Variants in CIITA observed in about 807,000 individuals in gnomAD.
CIITA encodes the protein class II major histocompatibility complex transactivator.
CIITA carries 72 observed loss-of-function variants against 115.1 expected under a neutral mutation model. The observed-to-expected ratio is 0.63, with a 90% CI of 0.52 to 0.76. The LOEUF (loss-of-function observed/expected upper bound fraction) is 0.76. CIITA is among the 30% of genes least tolerant of loss of function. The probability of loss-of-function intolerance (pLI) is 0.00; values close to 1 mark genes in which losing one functional copy is unlikely to be tolerated. For synonymous variants in CIITA, 763 were observed against 635.6 expected (o/e 1.20, Z -3.02); for missense variants, 1,617 against 1,463.8 (o/e 1.10, Z -1.71).
chr16:10,910,304 C>T (rs1280299149), intron 13 of CIITA, 45 bp downstream of exon 13: 2 of 1,530,808 alleles, frequency 1.3e-6, no homozygotes, highest in African/African-American at 2.7e-5. Context: ...GCAAGGTTTC[C>T]CCTGCAGCAT....
At chr16:10,921,831 C>A (rs1485697509) in intron 16 of CIITA, among the ~76,000 whole-genome samples, 1 of 152,188 alleles carries the variant, frequency 6.6e-6, no homozygotes. Context: ...GTGGTGACTC[C>A]CACGGGGCTG....
Position 10,923,465 on chromosome 16 carries a change from C to A in CIITA, c.*22+140C>A. On this transcript the variant is annotated intron_variant, in intron 19 of 19. Transcript: ENST00000324288. This position sits in a 1 kb window ranked among gnomAD's most constrained non-coding sequence, Gnocchi z 5.2. Reference sequence around the variant, plus strand: ...TGGACGCATGCGTCATCAGAGACATCCCCTCATCTCCACCCTGGGCTCGGT... The same window carrying A: ...TGGACGCATGCGTCATCAGAGACATACCCTCATCTCCACCCTGGGCTCGGT... The A allele has an allele frequency of 1.5e-6, 1 of 679,902 alleles. No individual in the cohort carries two copies. 42.1% of individuals were successfully genotyped at this position (679,902 alleles called of 1,614,324 possible). A position where few individuals can be genotyped will look rare whatever the true frequency, so the allele number is the denominator to read the frequency against.
At chr16:10,917,965 C>T in intron 15 of CIITA, among the ~76,000 whole-genome samples, 1 of 152,176 alleles carries the variant, frequency 6.6e-6, no homozygotes, top group Non-Finnish European at 1.5e-5. Context: ...GATTTCTTCT[C>T]CTTAGTCCTT....
chr16:10,911,211 C>CT (rs58420035), intron 13 of CIITA, among the ~76,000 whole-genome samples: 79,239 of 150,364 alleles, frequency 0.53, 21,675 homozygotes, highest in South Asian at 0.71. Context: ...TCTTTCCTTT[C>CT]TTCTCTCTTT....
intron 13 of CIITA, 76 bp downstream of exon 13, chr16:10,910,335 G>A: frequency 8.2e-7 from 1 of 1,212,564 alleles, no homozygotes; most frequent in Non-Finnish European, 1.2e-6. Context: ...TGTACCACCT[G>A]AATGGAGATA....
chr16:10,910,811 C>T (rs190141608), intron 13 of CIITA, among the ~76,000 whole-genome samples: 1 of 152,350 alleles, frequency 6.6e-6, no homozygotes, highest in African/African-American at 2.4e-5. Context: ...TGTGCCTGAG[C>T]TTGTTTACTT....
At chr16:10,909,753 A>G (rs1213073121) in intron 12 of CIITA, among the ~76,000 whole-genome samples, 2 of 152,164 alleles carry the variant, frequency 1.3e-5, no homozygotes, top group Non-Finnish European at 2.9e-5. Context: ...TATTTCTTAA[A>G]GACAGGGTCT....
intron 16 of CIITA, among the ~76,000 whole-genome samples, chr16:10,919,199 A>G (rs1233559884): frequency 6.6e-6 from 1 of 151,788 alleles, no homozygotes; most frequent in Non-Finnish European, 1.5e-5. Flanking sequence ...TAATTTTTTT[A>G]ATTTCTGTTT....
chr16:10,908,154 G>C lies in CIITA; in HGVS notation c.2657+5G>C. On this transcript the variant is annotated splice_donor_5th_base_variant and intron_variant, in intron 11 of 19. Transcript: ENST00000324288. The stretch of plus-strand genomic sequence containing the variant: ...CAGCTGTGTCACCCGTTTCAGGTGG[G>C]GTGAGGGGCTTGGGGAAGAGACATC... 1 of 1,557,894 alleles carries C rather than the reference G, an allele frequency of 6.4e-7. No homozygotes were observed.
At chr16:10,917,652 G>T (rs1169710605) in intron 15 of CIITA, among the ~76,000 whole-genome samples, 1 of 151,422 alleles carries the variant, frequency 6.6e-6, no homozygotes, top group Non-Finnish European at 1.5e-5. Flanking sequence ...ACTAATTTTT[G>T]TATTTTTAGT....
rs915922521 is a variant in CIITA, at chr16:10,924,994, A to G, written c.*1139A>G. The stretch of plus-strand genomic sequence containing the variant: ...CAACACTCACATTTATTCTGCTCAC[A>G]TATCTGTCATTTGAGCAGGGCTCAG... On this transcript the variant is annotated 3_prime_UTR_variant, in exon 20 of 20. Transcript: ENST00000324288. 3.3e-5 allele frequency: 5 copies of G among 152,258 alleles called. No homozygotes were observed. The highest frequency in any genetic ancestry group is 3.3e-4 in the Admixed American group (5 of 15,286). 9.4% of individuals were successfully genotyped at this position (152,258 alleles called of 1,614,324 possible). A position where few individuals can be genotyped will look rare whatever the true frequency, so the allele number is the denominator to read the frequency against.
In CIITA at chr16:10,941,675, G is replaced by T; in HGVS notation, n.801G>T. 1 of 1,563,426 alleles carries T rather than the reference G, an allele frequency of 6.4e-7. No individual in the cohort carries two copies. The highest frequency in any genetic ancestry group is 8.7e-7 in the Non-Finnish European group (1 of 1,151,800). On this transcript the variant is annotated non_coding_transcript_exon_variant, in exon 2 of 2. Transcript: ENST00000573379. The surrounding 1 kb of genome is among the most constrained non-coding windows in gnomAD (Gnocchi z 6.4). ...ATCTGGGCGGCTGGTCCAGGGCATG[G>T]GTTGCGGATCGTGTAGGGAAGAGGG...
At chr16:10,910,161 C>G in intron 12 of CIITA, 27 bp from the exon 13 acceptor site, 1 of 1,604,816 alleles carries the variant, frequency 6.2e-7, no homozygotes, top group East Asian at 2.2e-5. Context: ...AGTGCCTGCT[C>G]CCCCTAACAT....
Position 10,907,596 on chromosome 16 carries a change from G to C in CIITA, c.2104G>C (p.Ala702Pro). Residue 702 changes from alanine to proline, a missense_variant, in exon 11 of 20, where the codon GCA becomes CCA. Transcript: ENST00000324288. The surrounding 1 kb of genome is among the most constrained non-coding windows in gnomAD (Gnocchi z 5.0). ...KGLVQHPPRA[A>P]ESELAFPSFL... ...CTTAGTCCAACACCCACCGCGGGCC[G>C]CAGAGTCCGAGCTGGCCTTCCCCAG... 6.2e-7 allele frequency: 1 copy of C among 1,614,204 alleles called. No homozygotes were observed. Among genetic ancestry groups the C allele is most frequent in the Non-Finnish European group, 8.5e-7 (1 of 1,180,034 alleles).
At chr16:10,902,012 C>A in intron 6 of CIITA, 26 bp from the exon 7 acceptor site, 1 of 1,613,540 alleles carries the variant, frequency 6.2e-7, no homozygotes, top group South Asian at 1.1e-5. Flanking sequence ...AGCACCCAGT[C>A]TCTAACACAG....
At chr16:10,890,120 G>A (rs72770024) in intron 1 of CIITA, among the ~76,000 whole-genome samples, 26 of 152,226 alleles carry the variant, frequency 1.7e-4, no homozygotes, top group Non-Finnish European at 3.2e-4. Context: ...GAAGTGGGGC[G>A]CTGAAATGTG....
chr16:10,885,438 GC>G (rs1349175740), intron 1 of CIITA, among the ~76,000 whole-genome samples: 1 of 152,160 alleles, frequency 6.6e-6, no homozygotes, highest in Non-Finnish European at 1.5e-5. Flanking sequence ...AGGCCCATAA[GC>G]CCCTGAGCAT....
rs2040974943 is a variant in CIITA, at chr16:10,935,115, GAGA to G, written c.*11263_*11265del. The stretch of plus-strand genomic sequence containing the variant: ...GTGCTACTATTATCCCTGTTTTACA[GAGA>G]AGGAAACCGAGGCTTAGGAGATGAA... On this transcript the variant is annotated 3_prime_UTR_variant, in exon 20 of 20. Transcript: ENST00000324288. 1 of 152,262 alleles carries G rather than the reference GAGA, an allele frequency of 6.6e-6. No homozygotes were observed. The highest frequency in any genetic ancestry group is 2.1e-4 in the South Asian group (1 of 4,834). 9.4% of individuals were successfully genotyped at this position (152,262 alleles called of 1,614,324 possible).
At chr16:10,889,315 T>C (rs867244172) in intron 1 of CIITA, among the ~76,000 whole-genome samples, 1 of 152,130 alleles carries the variant, frequency 6.6e-6, no homozygotes, top group African/African-American at 2.4e-5. Flanking sequence ...GAAGGTCCCA[T>C]GCCAAGATTC....
Sources: allele counts gnomAD v4.1 joint callset (sites outside exome capture counted in the v4.1 genomes callset), GRCh38; gene constraint gnomAD v4.1.1; non-coding constraint Gnocchi (gnomAD v3.1); transcripts MANE v1.5; gene names NCBI Gene and HGNC (gene_info 2026-07-23, HGNC 2026-07-21).